ERCC1: variants seen among roughly 807,000 people sequenced by gnomAD.
The protein encoded by ERCC1 is DNA excision repair protein ERCC-1.
ERCC1 carries 36 observed loss-of-function variants against 37.6 expected under a neutral mutation model. The observed-to-expected ratio is 0.96, with a 90% CI of 0.73 to 1.26. The LOEUF (loss-of-function observed/expected upper bound fraction) is 1.26, where lower values mean the gene tolerates loss of function less well. Ranked by LOEUF, ERCC1 falls within the 50% of genes most tolerant of loss-of-function variation. ERCC1 has a pLI of 0.00. For synonymous variants in ERCC1, 156 were observed against 162.1 expected (o/e 0.96, Z 0.28); for missense variants, 349 against 376.5 (o/e 0.93, Z 0.60).
chr19:45,433,523 C>T (rs1974889465), intron 1 of ERCC1, among the ~76,000 whole-genome samples: 1 of 147,954 alleles, frequency 6.8e-6, no homozygotes, highest in Non-Finnish European at 1.5e-5. Flanking sequence ...GAGAGTCCAT[C>T]TCAAAAACAA....
chr19:45,434,893 A>G (rs1974934982), intron 1 of ERCC1, among the ~76,000 whole-genome samples: 1 of 151,916 alleles, frequency 6.6e-6, no homozygotes, highest in African/African-American at 2.4e-5. Flanking sequence ...CTGCTGTCTC[A>G]GCCTCCTGAG....
upstream of ERCC1, among the ~76,000 whole-genome samples, chr19:45,424,948 G>C (rs987925944): frequency 7.0e-6 from 1 of 142,870 alleles, no homozygotes; most frequent in Non-Finnish European, 1.5e-5. Context: ...TCGAGACGGA[G>C]TTTCGCTCTT....
upstream of ERCC1, among the ~76,000 whole-genome samples, chr19:45,426,351 C>T (rs1974690485): frequency 3.1e-5 from 4 of 130,276 alleles, no homozygotes; most frequent in East Asian, 2.6e-4. Context: ...TGGACTCCAG[C>T]CTGGGTGACA....
chr19:45,432,029 T>C (rs563451963), intron 1 of ERCC1, among the ~76,000 whole-genome samples: 1 of 152,284 alleles, frequency 6.6e-6, no homozygotes, highest in Admixed American at 6.5e-5. Flanking sequence ...TGGAGTGCAA[T>C]GGCGCAATCT....
chr19:45,430,064 A>G (rs1023622912), intron 1 of ERCC1, among the ~76,000 whole-genome samples: 2 of 152,140 alleles, frequency 1.3e-5, no homozygotes, highest in Non-Finnish European at 2.9e-5. Flanking sequence ...GATTACAGGC[A>G]TGAGCCACCG....
intron 5 of ERCC1, 28 bp from the exon 6 acceptor site, chr19:45,416,925 C>T (rs1355650424): frequency 6.4e-7 from 1 of 1,574,268 alleles, no homozygotes; most frequent in East Asian, 2.2e-5. Context: ...AATTAGAAAC[C>T]TAGAAGCCAG....
chr19:45,424,809 GTTAT>G (rs1235653437), upstream of ERCC1, among the ~76,000 whole-genome samples: 2 of 151,592 alleles, frequency 1.3e-5, no homozygotes, highest in African/African-American at 4.9e-5. Context: ...TGGCACAGAA[GTTAT>G]TTGTGTTTAT....
chr19:45,420,399 C>T lies in ERCC1; in HGVS notation c.350G>A (p.Arg117His), dbSNP rs774275993. The T allele has an allele frequency of 2.2e-5, 36 of 1,613,328 alleles. No homozygotes were observed. Among genetic ancestry groups the T allele is most frequent in the Non-Finnish European group, 3.0e-5 (35 of 1,179,542 alleles). The change falls in exon 4 of 10, where the codon CGC becomes CAC. Residue 117 changes from arginine (R) to histidine (H), a missense_variant. Arg to His is a conservative substitution (Grantham distance 29). Coordinates refer to ENST00000300853, the MANE Select transcript of ERCC1 (RefSeq NM_001983.4). This position sits in a 1 kb window ranked among gnomAD's most constrained non-coding sequence, Gnocchi z 4.8. The stretch of plus-strand genomic sequence containing the variant: ...GTCGCCAAATTCCCAGGGCACATTG[C>T]GCACGAACTTCAGTACGGGATTGCC... ...QRGNPVLKFV[R>H]NVPWEFGDVI... is the part of the protein sequence containing the mutation.
chr19:45,434,442 T>A (rs529744213), intron 1 of ERCC1, among the ~76,000 whole-genome samples: 19 of 150,478 alleles, frequency 1.3e-4, no homozygotes, highest in African/African-American at 4.4e-4. Flanking sequence ...CAGAGGGCCA[T>A]GATCATGACA....
At chr19:45,411,119 C>A (rs1363703431) in intron 9 of ERCC1, among the ~76,000 whole-genome samples, 1 of 152,172 alleles carries the variant, frequency 6.6e-6, no homozygotes, top group Admixed American at 6.5e-5. Context: ...CCACCGCGCC[C>A]AGCCAGGATC....
upstream of ERCC1, among the ~76,000 whole-genome samples, chr19:45,424,654 G>C (rs536055959): frequency 2.4e-4 from 37 of 152,260 alleles, no homozygotes; most frequent in African/African-American, 8.4e-4. Flanking sequence ...CATATTCCTT[G>C]TCCATTTTTA....
intron 1 of ERCC1, among the ~76,000 whole-genome samples, chr19:45,449,751 G>A (rs932165817): frequency 7.9e-5 from 12 of 151,976 alleles, no homozygotes; most frequent in Non-Finnish European, 1.8e-4. Flanking sequence ...GATTACTGGA[G>A]GTCAGGAGTT....
At chr19:45,432,109 C>G (rs968543194) in intron 1 of ERCC1, among the ~76,000 whole-genome samples, 5 of 151,806 alleles carry the variant, frequency 3.3e-5, no homozygotes, top group Non-Finnish European at 5.9e-5. Flanking sequence ...GTAGCTGGGA[C>G]TACAGGCATG....
At chr19:45,448,612 C>T (rs772568785) in intron 1 of ERCC1, among the ~76,000 whole-genome samples, 3 of 151,966 alleles carry the variant, frequency 2.0e-5, no homozygotes, top group Admixed American at 6.6e-5. Context: ...CTTTGAGAGG[C>T]GGAGATGGGA....
At chr19:45,423,179 T>C (rs1236152127) in intron 2 of ERCC1, 91 bp downstream of exon 2, 7 of 1,323,040 alleles carry the variant, frequency 5.3e-6, no homozygotes, top group Middle Eastern at 1.8e-4. Flanking sequence ...CCAAATCCAC[T>C]AACCCACACC....
intron 1 of ERCC1, among the ~76,000 whole-genome samples, chr19:45,440,377 G>A (rs931422353): frequency 6.6e-6 from 1 of 152,054 alleles, no homozygotes; most frequent in Non-Finnish European, 1.5e-5. Context: ...CTGTCCTCAA[G>A]GCCAACCTTT....
At chr19:45,418,481 T>C (rs1370985184) in intron 5 of ERCC1, among the ~76,000 whole-genome samples, 1 of 151,692 alleles carries the variant, frequency 6.6e-6, no homozygotes, top group Non-Finnish European at 1.5e-5. Flanking sequence ...GATCTGGCCA[T>C]TGCACTCCAG....
At chr19:45,418,547 G>C (rs374052142) in intron 5 of ERCC1, among the ~76,000 whole-genome samples, 2 of 150,798 alleles carry the variant, frequency 1.3e-5, no homozygotes, top group African/African-American at 4.9e-5. Context: ...GATATGGCCA[G>C]GCACGGTGGC....
In ERCC1 at chr19:45,408,934, C is replaced by G; in HGVS notation, c.*741G>C. ...AGGTGGAGCCACTGGAGGAAGCCAT[C>G]CCTCTGCCCCCTACGAAGAAGAGGA... On this transcript the variant is annotated 3_prime_UTR_variant, in exon 10 of 10. Transcript: ENST00000300853. 1.2e-6 allele frequency: 2 copies of G among 1,614,028 alleles called. No individual in the cohort carries two copies. The highest frequency in any genetic ancestry group is 1.7e-6 in the Non-Finnish European group (2 of 1,180,002).
Sources: gnomAD v4.1 joint callset for allele counts (sites outside exome capture counted in the v4.1 genomes callset) on GRCh38, gnomAD v4.1.1 for gene constraint, Gnocchi (gnomAD v3.1) non-coding constraint, MANE v1.5 for transcripts, NCBI Gene and HGNC (gene_info 2026-07-23, HGNC 2026-07-21) for gene names.